The following WASHC4 variants were observed in gnomAD, a reference collection of about 807,000 sequenced individuals.
WASHC4 encodes WASH complex subunit 4.
In WASHC4, 86 loss-of-function variants were observed where a neutral mutation model predicts 166.6. That is an observed-to-expected ratio of 0.52 (90% CI 0.43 to 0.62). WASHC4 has a LOEUF of 0.62. Among genes scored for constraint, WASHC4 ranks in the 20% least tolerant of loss-of-function variants. The probability of loss-of-function intolerance (pLI) is 0.00; values close to 1 mark genes in which losing one functional copy is unlikely to be tolerated. For synonymous variants in WASHC4, 446 were observed against 451.6 expected (o/e 0.99, Z 0.16); for missense variants, 1,262 against 1,382.4 (o/e 0.91, Z 1.38).
At position 105,149,654 on chromosome 12, in the gene WASHC4, A is replaced by C. The variant is rs371193851; in HGVS notation, c.2554A>C (p.Ile852Leu). 1.1e-5 allele frequency: 17 copies of C among 1,550,126 alleles called. No individual in the cohort carries two copies. The highest frequency in any genetic ancestry group is 1.4e-5 in the Non-Finnish European group (16 of 1,125,454). ...TYQFLKKKFY[I>L]FSQFMYDEHI... ...CCAGTTTTTGAAAAAGAAGTTCTAT[A>C]TATTTAGCCAATTTATGTATGATGA... Residue 852 changes from isoleucine (I) to leucine (L), a missense_variant, in exon 25 of 33, where the codon ATA (isoleucine) becomes CTA (leucine). Ile to Leu is a conservative substitution (Grantham distance 5). Coordinates refer to ENST00000332180, the MANE Select transcript of WASHC4 (RefSeq NM_015275.3).
intron 6 of WASHC4, among the ~76,000 whole-genome samples, chr12:105,117,242 C>T (rs1210059479): frequency 6.6e-6 from 1 of 152,164 alleles, no homozygotes; most frequent in African/African-American, 2.4e-5. Flanking sequence ...TAATGCTGCC[C>T]TGGCTCCGTT....
At chr12:105,129,971 T>C (rs1881649501) in intron 13 of WASHC4, among the ~76,000 whole-genome samples, 1 of 152,232 alleles carries the variant, frequency 6.6e-6, no homozygotes, top group African/African-American at 2.4e-5. Flanking sequence ...GTGCTTACTA[T>C]ATGCTAGTAG....
Position 105,144,370 on chromosome 12 carries a change from C to G in WASHC4, c.2094C>G (p.Asn698Lys), listed in dbSNP as rs375696229. ...CTCATTTAAAGCTGGATGACCGAAA[C>G]CCTTTCAAAGTTGGCATGAAAGACC... is the stretch of plus-strand genomic sequence containing the variant. ...VHTHLKLDDR[N>K]PFKVGMKDLA... Residue 698 changes from asparagine (N) to lysine (K), a missense_variant, in exon 21 of 33, where the codon AAC (asparagine) becomes AAG (lysine). Asn to Lys is a moderately conservative substitution (Grantham distance 94, BLOSUM62 0). Transcript: ENST00000332180. 1.2e-6 allele frequency: 2 copies of G among 1,613,360 alleles called. No homozygotes were observed. Among genetic ancestry groups the G allele is most frequent in the Non-Finnish European group, 8.5e-7 (1 of 1,179,416 alleles).
At position 105,139,413 on chromosome 12, in the gene WASHC4, A is replaced by ATGTGTG. The variant is rs1374833618; in HGVS notation, c.1453-880_1453-879insGTGTGT. ...CATTGTCTCTATAGACAGACTATAT[A>ATGTGTG]TATGTGTGTGTGTATATATATATAT... On this transcript the variant is annotated intron_variant, in intron 15 of 32. Coordinates refer to ENST00000332180, the MANE Select transcript of WASHC4 (RefSeq NM_015275.3). 2.2e-3 allele frequency among the ~76,000 whole-genome samples: 155 copies of ATGTGTG among 69,308 alleles called. 1 individual carries two copies. The highest frequency in any genetic ancestry group is 0.011 in the African/African-American group (147 of 13,934). 45.5% of individuals were successfully genotyped at this position (69,308 alleles called of 152,430 possible). A position where few individuals can be genotyped will look rare whatever the true frequency, so the allele number is the denominator to read the frequency against.
chr12:105,154,231 A>G (rs1044887321), intron 26 of WASHC4, among the ~76,000 whole-genome samples: 8 of 152,024 alleles, frequency 5.3e-5, no homozygotes, highest in African/African-American at 1.9e-4. Flanking sequence ...GGGTTTCACC[A>G]TGTTGGCCAG....
At chr12:105,162,545 T>G (rs1458423450) in intron 29 of WASHC4, among the ~76,000 whole-genome samples, 3 of 152,188 alleles carry the variant, frequency 2.0e-5, no homozygotes, top group Admixed American at 1.3e-4. Context: ...GGAAAGGAGA[T>G]CCATGAAGAT....
intron 15 of WASHC4, among the ~76,000 whole-genome samples, chr12:105,138,250 T>TA (rs924741775): frequency 2.3e-4 from 30 of 128,412 alleles, no homozygotes; most frequent in Middle Eastern, 7.2e-3. Context: ...GTTTACACAG[T>TA]AAAAAAAAAA....
Position 105,149,662 on chromosome 12 carries a change from C to T in WASHC4, c.2562C>T (p.Ser854=). The change falls in exon 25 of 33, where the codon AGC becomes AGT. Residue 854 remains serine, a synonymous_variant. Coordinates refer to ENST00000332180, the MANE Select transcript of WASHC4 (RefSeq NM_015275.3). ...QFLKKKFYIF[S]QFMYDEHIKS... ...TGAAAAAGAAGTTCTATATATTTAG[C>T]CAATTTATGTATGATGAACACATCA... 1.3e-6 allele frequency: 2 copies of T among 1,558,636 alleles called. No homozygotes were observed. The highest frequency in any genetic ancestry group is 1.4e-5 in the African/African-American group (1 of 73,704).
At chr12:105,125,414 T>C (rs1881190735) in intron 10 of WASHC4, among the ~76,000 whole-genome samples, 1 of 152,202 alleles carries the variant, frequency 6.6e-6, no homozygotes, top group South Asian at 2.1e-4. Flanking sequence ...TGACTTATGT[T>C]ATCCATAAGG....
At chr12:105,138,093 C>A in intron 15 of WASHC4, 82 bp downstream of exon 15, 2 of 1,376,268 alleles carry the variant, frequency 1.5e-6, no homozygotes, top group Non-Finnish European at 2.0e-6. Flanking sequence ...TAAGGTTTGA[C>A]TACATGATTA....
At chr12:105,118,690 T>C (rs1880424336) in intron 7 of WASHC4, among the ~76,000 whole-genome samples, 162 bp downstream of exon 7, 1 of 152,272 alleles carries the variant, frequency 6.6e-6, no homozygotes, top group Non-Finnish European at 1.5e-5. Context: ...GTTAGTAAGA[T>C]GCAGTTTCCA....
At chr12:105,124,781 G>A (rs1881121715) in intron 10 of WASHC4, among the ~76,000 whole-genome samples, 1 of 152,040 alleles carries the variant, frequency 6.6e-6, no homozygotes, top group African/African-American at 2.4e-5. Flanking sequence ...GCCCGGCCAG[G>A]TTAAGGTTTT....
At chr12:105,115,792 G>GT (rs1250894350) in intron 6 of WASHC4, 64 bp downstream of exon 6, 1 of 1,028,454 alleles carries the variant, frequency 9.7e-7, no homozygotes, top group Admixed American at 1.7e-5. Context: ...TACACAACAC[G>GT]TAAAAAGTTC....
intron 20 of WASHC4, among the ~76,000 whole-genome samples, chr12:105,144,085 G>A (rs527637851): frequency 6.6e-6 from 1 of 151,622 alleles, no homozygotes; most frequent in East Asian, 1.9e-4. Context: ...TGTTCCTTAT[G>A]ATGGTACCAT....
intron 2 of WASHC4, among the ~76,000 whole-genome samples, chr12:105,113,585 A>C (rs993578566): frequency 1.3e-5 from 2 of 152,084 alleles, no homozygotes; most frequent in African/African-American, 4.8e-5. Flanking sequence ...TGTAAACAAA[A>C]ATTACAACCT....
intron 2 of WASHC4, among the ~76,000 whole-genome samples, chr12:105,111,701 C>G (rs1879690477): frequency 1.3e-5 from 2 of 152,092 alleles, no homozygotes; most frequent in African/African-American, 4.8e-5. Context: ...TTCTCTCATG[C>G]TATATAGATG....
Position 105,137,931 on chromosome 12 carries a change from A to C in WASHC4, c.1372A>C (p.Met458Leu). The stretch of plus-strand genomic sequence containing the variant: ...TATTAGTACCATTATTAAAACCACA[A>C]TGAATCTCTACATGTCCATGCAAAA... The part of the protein sequence containing the change: ...YSISTIIKTT[M>L]NLYMSMQKPM... Residue 458 changes from methionine (M) to leucine (L), a missense_variant, in exon 15 of 33, where the codon ATG becomes CTG. Coordinates refer to ENST00000332180, the MANE Select transcript of WASHC4 (RefSeq NM_015275.3). 6.2e-7 allele frequency: 1 copy of C among 1,612,126 alleles called. No individual in the cohort carries two copies. The highest frequency in any genetic ancestry group is 8.5e-7 in the Non-Finnish European group (1 of 1,178,354).
At position 105,115,681 on chromosome 12, in the gene WASHC4, G is replaced by C; in HGVS notation, c.388G>C (p.Glu130Gln). The change falls in exon 6 of 33, where the codon GAA (glutamate) becomes CAA (glutamine). Residue 130 changes from glutamate to glutamine, a missense_variant. Transcript: ENST00000332180. ...GEGATDASMV[E>Q]GDCQIQMGRF... ...TACAGCTACAGATGCCAGCATGGTGGAAGGTGATTGCCAAATTCAAATGGG... is the reference window on the plus strand; with the variant it reads ...TACAGCTACAGATGCCAGCATGGTGCAAGGTGATTGCCAAATTCAAATGGG... 6 of 1,610,170 alleles carry C rather than the reference G, an allele frequency of 3.7e-6. No individual in the cohort carries two copies. The highest frequency in any genetic ancestry group is 5.1e-6 in the Non-Finnish European group (6 of 1,176,644).
At position 105,114,352 on chromosome 12, in the gene WASHC4, A is replaced by T. The variant is rs1244628071; in HGVS notation, c.256-10A>T. On this transcript the variant is annotated splice_polypyrimidine_tract_variant and intron_variant, in intron 3 of 32. Transcript: ENST00000332180. ...TTTACTTTTTATTTTGTTTTTACTC[A>T]TGAAACTAGGTCTTAAACAAAGTCA... 1 of 1,600,302 alleles carries T rather than the reference A, an allele frequency of 6.2e-7. No homozygotes were observed. Among genetic ancestry groups the T allele is most frequent in the Non-Finnish European group, 8.5e-7 (1 of 1,171,578 alleles).
Sources: allele counts gnomAD v4.1 joint callset (sites outside exome capture counted in the v4.1 genomes callset), GRCh38; gene constraint gnomAD v4.1.1; transcripts MANE v1.5; gene names NCBI Gene and HGNC (gene_info 2026-07-23, HGNC 2026-07-21).